TPST1: variants seen among roughly 807,000 people sequenced by gnomAD.
TPST1 encodes the protein tyrosylprotein sulfotransferase 1.
A neutral mutation model predicts 34.8 loss-of-function variants in TPST1; 20 were observed. The ratio of observed to expected loss-of-function variants is 0.57; its 90% CI spans 0.40 to 0.84. The LOEUF (loss-of-function observed/expected upper bound fraction) is 0.84. Ranked by LOEUF, TPST1 falls within the 40% of genes least tolerant of loss-of-function variation. The pLI is 0.00. For missense variants in TPST1, 353 were observed against 455.5 expected (o/e 0.78, Z 2.05); for synonymous variants, 152 against 159.4 (o/e 0.95, Z 0.35).
chr7:66,273,558 G>C (rs1790744733), intron 2 of TPST1, among the ~76,000 whole-genome samples: 1 of 152,116 alleles, frequency 6.6e-6, no homozygotes, highest in Non-Finnish European at 1.5e-5. Flanking sequence ...GAATAGCATG[G>C]TACTGGCATA....
intron 3 of TPST1, among the ~76,000 whole-genome samples, chr7:66,345,443 G>A (rs1792326419): frequency 7.1e-6 from 1 of 141,820 alleles, no homozygotes; most frequent in Non-Finnish European, 1.5e-5. Context: ...CAGTGAGCTG[G>A]GCACCACTGC....
At chr7:66,203,067 C>T (rs1419840144), upstream of TPST1, among the ~76,000 whole-genome samples, 10 of 151,836 alleles carry the variant, frequency 6.6e-5, no homozygotes, top group South Asian at 4.2e-4. Flanking sequence ...GCAACAAGAG[C>T]GAAACTCCAT....
At position 66,240,648 on chromosome 7, in the gene TPST1, G is replaced by A. The variant is rs1267387414; in HGVS notation, c.223G>A (p.Gly75Arg). 1 of 1,614,196 alleles carries A rather than the reference G, an allele frequency of 6.2e-7. No individual in the cohort carries two copies. The highest frequency in any genetic ancestry group is 1.1e-5 in the South Asian group (1 of 91,086). ...YHKDMPLIFI[G>R]GVPRSGTTLM... The stretch of plus-strand genomic sequence containing the variant: ...CAAAGATATGCCTTTAATATTTATT[G>A]GAGGTGTGCCTCGGAGTGGAACCAC... Residue 75 changes from glycine to arginine, a missense_variant, in exon 2 of 6, where the codon GGA (glycine) becomes AGA (arginine). Gly to Arg is a moderately radical substitution (Grantham distance 125). Transcript: ENST00000304842.
intron 2 of TPST1, among the ~76,000 whole-genome samples, chr7:66,264,285 G>A (rs1390544429): frequency 6.6e-6 from 1 of 152,224 alleles, no homozygotes; most frequent in East Asian, 1.9e-4. Context: ...TTGGGAATGA[G>A]ATGTCTATGA....
At chr7:66,235,478 A>T (rs896271276) in intron 1 of TPST1, among the ~76,000 whole-genome samples, 1 of 152,204 alleles carries the variant, frequency 6.6e-6, no homozygotes, top group Non-Finnish European at 1.5e-5. Context: ...ATGAATGATT[A>T]AAAGAGTATA....
rs561272603 is a variant in TPST1 at position 66,245,228 on chromosome 7, A to G, written c.845+3958A>G. On this transcript the variant is annotated intron_variant, in intron 2 of 5. Coordinates refer to ENST00000304842, the MANE Select transcript of TPST1 (RefSeq NM_003596.4). ...GGCAGTGTTTATTTAGCACCACTGC[A>G]GGAGGTACAGGGACCACTGCAGTCG... Among the ~76,000 whole-genome samples, 324 of 152,318 alleles carry G rather than the reference A, an allele frequency of 2.1e-3. 2 individuals carry two copies. The highest frequency in any genetic ancestry group is 7.6e-3 in the African/African-American group (316 of 41,580).
intron 1 of TPST1, among the ~76,000 whole-genome samples, chr7:66,228,235 A>G (rs1789704898): frequency 6.6e-6 from 1 of 152,154 alleles, no homozygotes; most frequent in South Asian, 2.1e-4. Context: ...TTAACTTTTG[A>G]TTGGTGAATA....
chr7:66,234,402 C>CACACACACAG (rs1277854143), intron 1 of TPST1, among the ~76,000 whole-genome samples: 1 of 146,166 alleles, frequency 6.8e-6, no homozygotes, highest in African/African-American at 2.5e-5. Flanking sequence ...AGCATGGCTA[C>CACACACACAG]ACACACACAC....
chr7:66,246,118 T>G (rs1790142044), intron 2 of TPST1, among the ~76,000 whole-genome samples: 1 of 151,064 alleles, frequency 6.6e-6, no homozygotes, highest in African/African-American at 2.4e-5. Flanking sequence ...TCAAATGATC[T>G]TCCCACCTTA....
intron 2 of TPST1, among the ~76,000 whole-genome samples, chr7:66,283,584 G>C (rs1016766813): frequency 1.3e-5 from 2 of 152,086 alleles, no homozygotes; most frequent in Admixed American, 6.5e-5. Context: ...GATTTCACAT[G>C]ATTTTCATGT....
chr7:66,339,452 C>T (rs1176096409), intron 3 of TPST1, among the ~76,000 whole-genome samples: 1 of 152,140 alleles, frequency 6.6e-6, no homozygotes, highest in Admixed American at 6.5e-5. Context: ...CCTACTCAAA[C>T]TCCTCAAAAC....
intron 4 of TPST1, 109 bp from the exon 5 acceptor site, chr7:66,356,716 T>G: frequency 7.8e-7 from 1 of 1,287,748 alleles, no homozygotes; most frequent in African/African-American, 1.5e-5. Flanking sequence ...TGAGTTCATC[T>G]GAAAGTGAAC....
At chr7:66,226,089 A>T (rs950994979) in intron 1 of TPST1, among the ~76,000 whole-genome samples, 1 of 151,924 alleles carries the variant, frequency 6.6e-6, no homozygotes, top group African/African-American at 2.4e-5. Context: ...GGGTTTCACC[A>T]TGTTAGCCAG....
At chr7:66,302,090 CTTT>C (rs1791329590) in intron 3 of TPST1, among the ~76,000 whole-genome samples, 1 of 152,168 alleles carries the variant, frequency 6.6e-6, no homozygotes, top group African/African-American at 2.4e-5. Context: ...CTAGGTAATA[CTTT>C]TTGTTTTATT....
At chr7:66,277,506 A>G (rs545608519) in intron 2 of TPST1, among the ~76,000 whole-genome samples, 131 of 152,172 alleles carry the variant, frequency 8.6e-4, no homozygotes, top group African/African-American at 3.0e-3. Flanking sequence ...TTTGTTGTCC[A>G]TGGTGTTTTA....
chr7:66,266,868 A>G (rs1875057), intron 2 of TPST1, among the ~76,000 whole-genome samples: 101,132 of 151,930 alleles, frequency 0.67, 34,025 homozygotes, highest in African/African-American at 0.76. Context: ...TGGTTATTCT[A>G]GGGGGCTGAC....
chr7:66,324,044 A>G (rs775144466), intron 3 of TPST1, among the ~76,000 whole-genome samples: 1 of 152,248 alleles, frequency 6.6e-6, no homozygotes, highest in Non-Finnish European at 1.5e-5. Flanking sequence ...ATGGATCAAT[A>G]GATCACAAAG....
At chr7:66,352,846 A>G in intron 4 of TPST1, 2 of 985,428 alleles carry the variant, frequency 2.0e-6, no homozygotes, top group Non-Finnish European at 2.4e-6. Flanking sequence ...CAAGCCGCCC[A>G]GTGGGTAAAG....
intron 3 of TPST1, among the ~76,000 whole-genome samples, chr7:66,301,448 C>T (rs1298460357): frequency 6.6e-6 from 1 of 152,226 alleles, no homozygotes; most frequent in Non-Finnish European, 1.5e-5. Context: ...TTTGTATTCA[C>T]AACTTGACTA....
Sources: allele counts gnomAD v4.1 joint callset (sites outside exome capture counted in the v4.1 genomes callset), GRCh38; gene constraint gnomAD v4.1.1; transcripts MANE v1.5; gene names NCBI Gene and HGNC (gene_info 2026-07-23, HGNC 2026-07-21).